The following NCK2 variants were observed in gnomAD, a reference collection of about 807,000 sequenced individuals.
The protein encoded by NCK2 is cytoplasmic protein NCK2.
In NCK2, 16 loss-of-function variants were observed where a neutral mutation model predicts 33.9. The observed-to-expected ratio is 0.47, with a 90% CI of 0.32 to 0.72. NCK2 has a LOEUF of 0.72. Among genes scored for constraint, NCK2 ranks in the 30% least tolerant of loss-of-function variants. The probability of loss-of-function intolerance (pLI) is 0.03; values close to 1 mark genes in which losing one functional copy is unlikely to be tolerated. For missense variants in NCK2, 418 were observed against 537.3 expected (o/e 0.78, Z 2.19); for synonymous variants, 273 against 239.9 (o/e 1.14, Z -1.27).
At chr2:105,845,223 G>A (rs1676811196) in intron 2 of NCK2, among the ~76,000 whole-genome samples, 1 of 152,168 alleles carries the variant, frequency 6.6e-6, no homozygotes, top group Non-Finnish European at 1.5e-5. Context: ...TGAGACCTGG[G>A]TAGTGTGGAA....
intron 2 of NCK2, among the ~76,000 whole-genome samples, chr2:105,835,346 AG>A (rs2104532918): frequency 1.1e-5 from 1 of 94,978 alleles, no homozygotes; most frequent in South Asian, 3.9e-4. Flanking sequence ...TGCTGGGTAT[AG>A]TATTCTTGGC....
intron 1 of NCK2, among the ~76,000 whole-genome samples, chr2:105,773,435 G>A (rs1690200322): frequency 6.6e-6 from 1 of 151,920 alleles, no homozygotes; most frequent in Non-Finnish European, 1.5e-5. Context: ...ATGCCTCCTT[G>A]TTTCCCACAT....
chr2:105,869,220 G>C (rs955821121), intron 3 of NCK2, among the ~76,000 whole-genome samples: 1 of 152,156 alleles, frequency 6.6e-6, no homozygotes, highest in Non-Finnish European at 1.5e-5. Flanking sequence ...GAGGATAGAG[G>C]TGCGTGCATA....
chr2:105,785,653 G>A (rs1043338214), intron 1 of NCK2, among the ~76,000 whole-genome samples: 7 of 152,170 alleles, frequency 4.6e-5, no homozygotes, highest in African/African-American at 1.2e-4. Context: ...CTCAACATCC[G>A]CTCAGGTGTT....
In NCK2 at chr2:105,858,165, G is replaced by A. The variant is rs942664758; in HGVS notation, c.226+2876G>A. Among the ~76,000 whole-genome samples, 8 of 151,540 alleles carry A rather than the reference G, an allele frequency of 5.3e-5. No homozygotes were observed. In the East Asian group the frequency reaches 9.7e-4, roughly 18 times the overall value. On this transcript the variant is annotated intron_variant, in intron 3 of 4. Coordinates refer to ENST00000233154, the MANE Select transcript of NCK2 (RefSeq NM_003581.5). The stretch of plus-strand genomic sequence containing the variant: ...CCATCAGAATGACAGTATGACTTTA[G>A]GCCAATTGTGCAGCCTGCAGAAATT...
intron 3 of NCK2, among the ~76,000 whole-genome samples, chr2:105,868,995 C>T (rs2104622825): frequency 6.6e-6 from 1 of 152,304 alleles, no homozygotes. Flanking sequence ...TGGACCGCAC[C>T]CAGGCGCTCC....
At chr2:105,836,791 G>A (rs1465362151) in intron 2 of NCK2, among the ~76,000 whole-genome samples, 4 of 152,142 alleles carry the variant, frequency 2.6e-5, no homozygotes, top group Non-Finnish European at 4.4e-5. Context: ...TGGAGATGCT[G>A]GGGCCCCTAG....
intron 2 of NCK2, among the ~76,000 whole-genome samples, chr2:105,832,434 T>C (rs184069451): frequency 6.6e-6 from 1 of 152,354 alleles, no homozygotes; most frequent in Non-Finnish European, 1.5e-5. Flanking sequence ...AGCTTTTGCC[T>C]ATTCAGTATG....
intron 1 of NCK2, among the ~76,000 whole-genome samples, chr2:105,747,887 GT>G (rs1689338439): frequency 6.6e-6 from 1 of 152,204 alleles, no homozygotes; most frequent in Non-Finnish European, 1.5e-5. Context: ...TATCAAAAGT[GT>G]GCAGCTAAAG....
At chr2:105,848,947 T>C (rs1676954437) in intron 2 of NCK2, among the ~76,000 whole-genome samples, 1 of 152,242 alleles carries the variant, frequency 6.6e-6, no homozygotes, top group South Asian at 2.1e-4. Flanking sequence ...CTAACTGAAC[T>C]CTAAACCAAT....
At chr2:105,829,378 T>C (rs1004969872) in intron 2 of NCK2, among the ~76,000 whole-genome samples, 5 of 152,188 alleles carry the variant, frequency 3.3e-5, no homozygotes, top group Admixed American at 2.6e-4. Context: ...ATTTAGCATC[T>C]AGTTACCCTT....
chr2:105,843,031 A>T (rs1676710738), intron 2 of NCK2, among the ~76,000 whole-genome samples: 1 of 152,190 alleles, frequency 6.6e-6, no homozygotes, highest in South Asian at 2.1e-4. Context: ...GAGTCTGCAT[A>T]GGAGAAATCT....
chr2:105,766,205 G>A (rs973195083), intron 1 of NCK2, among the ~76,000 whole-genome samples: 5 of 152,182 alleles, frequency 3.3e-5, no homozygotes, highest in African/African-American at 1.2e-4. Context: ...AGGAGAGCCC[G>A]GGAATGTGGG....
At chr2:105,841,159 T>C (rs985300681) in intron 2 of NCK2, among the ~76,000 whole-genome samples, 1 of 152,218 alleles carries the variant, frequency 6.6e-6, no homozygotes, top group Non-Finnish European at 1.5e-5. Context: ...TGATGTAAAA[T>C]GTAGATTTAC....
chr2:105,758,277 G>A (rs555642280), intron 1 of NCK2, among the ~76,000 whole-genome samples: 5 of 152,160 alleles, frequency 3.3e-5, no homozygotes, highest in African/African-American at 1.2e-4. Context: ...TCTTGGATTA[G>A]TAATGAATAT....
At chr2:105,782,184 A>G (rs1690521402) in intron 1 of NCK2, among the ~76,000 whole-genome samples, 1 of 152,116 alleles carries the variant, frequency 6.6e-6, no homozygotes, top group African/African-American at 2.4e-5. Flanking sequence ...CTCTCTTTAT[A>G]GGAGTAAGGG....
intron 2 of NCK2, among the ~76,000 whole-genome samples, chr2:105,832,292 CT>C (rs1263866027): frequency 1.3e-5 from 2 of 152,254 alleles, no homozygotes; most frequent in Non-Finnish European, 1.5e-5. Flanking sequence ...TTTCCGTTTT[CT>C]TTTCCAGTAT....
chr2:105,872,884 G>T (rs978043102), intron 3 of NCK2, among the ~76,000 whole-genome samples: 1 of 152,146 alleles, frequency 6.6e-6, no homozygotes, highest in Non-Finnish European at 1.5e-5. Context: ...TCCTTCATCC[G>T]GGGACACCTC....
intron 1 of NCK2, among the ~76,000 whole-genome samples, chr2:105,807,697 C>G (rs1450308341): frequency 2.0e-5 from 3 of 147,680 alleles, no homozygotes; most frequent in African/African-American, 5.0e-5. Flanking sequence ...TTTTTTTTCT[C>G]TTTTCTTTTT....
Sources: allele counts gnomAD v4.1 joint callset (sites outside exome capture counted in the v4.1 genomes callset), GRCh38; gene constraint gnomAD v4.1.1; transcripts MANE v1.5; gene names NCBI Gene and HGNC (gene_info 2026-07-23, HGNC 2026-07-21).